Variants in HEMK2 observed in about 807,000 individuals in gnomAD.
HEMK2 encodes the protein HemK methyltransferase 2, ETF1 glutamine and histone H4 lysine.
the HEMK2 span, among the ~76,000 whole-genome samples, chr21:28,749,713 G>A: frequency 6.6e-6 from 1 of 152,176 alleles, no homozygotes; most frequent in Non-Finnish European, 1.5e-5. Context: ...AGCAATTTCA[G>A]GAGCAGGATG....
At chr21:28,656,665 C>T in the HEMK2 span, among the ~76,000 whole-genome samples, 10 of 152,028 alleles carry the variant, frequency 6.6e-5, no homozygotes, top group Admixed American at 5.3e-4. Flanking sequence ...ACTAATGCAA[C>T]CTATCATTTA....
chr21:28,807,923 G>A, the HEMK2 span, among the ~76,000 whole-genome samples: 2 of 152,100 alleles, frequency 1.3e-5, no homozygotes, highest in African/African-American at 4.8e-5. Flanking sequence ...TTAATTACAG[G>A]AGGTGATGTG....
the HEMK2 span, among the ~76,000 whole-genome samples, chr21:28,869,795 T>C: frequency 6.6e-6 from 1 of 152,214 alleles, no homozygotes; most frequent in Non-Finnish European, 1.5e-5. Flanking sequence ...ATTTTTAGTG[T>C]GTCACTAATA....
At chr21:28,688,460 A>G in the HEMK2 span, among the ~76,000 whole-genome samples, 2 of 152,162 alleles carry the variant, frequency 1.3e-5, 1 homozygote, top group South Asian at 4.1e-4. Context: ...AGAAGCTGTT[A>G]GAAAAAGTTT....
chr21:28,611,612 G>T, the HEMK2 span, among the ~76,000 whole-genome samples: 2 of 109,640 alleles, frequency 1.8e-5, no homozygotes, highest in African/African-American at 5.7e-5. Context: ...TTAAATGGGA[G>T]CAGCTCACAC....
the HEMK2 span, among the ~76,000 whole-genome samples, chr21:28,707,256 A>ATT: frequency 0.066 from 9,245 of 140,030 alleles, 506 homozygotes; most frequent in East Asian, 0.14. Context: ...CACAATTTTA[A>ATT]TTTTTTTTTT....
At chr21:28,885,364 A>ATGCGCGTGCGCAGGGCG in the HEMK2 span, 15 of 1,533,582 alleles carry the variant, frequency 9.8e-6, no homozygotes, top group Admixed American at 1.9e-5. Flanking sequence ...GCTGCGTTCC[A>ATGCGCGTGCGCAGGGCG]TGCGCGTGCG....
chr21:28,866,155 C>A, the HEMK2 span, among the ~76,000 whole-genome samples: 52,758 of 72,370 alleles, frequency 0.73, 20,406 homozygotes, highest in South Asian at 0.82. Flanking sequence ...ACAGAAAAAA[C>A]AAAAACAAAC....
the HEMK2 span, among the ~76,000 whole-genome samples, chr21:28,708,863 A>T: frequency 2.2e-4 from 34 of 152,344 alleles, no homozygotes; most frequent in South Asian, 4.8e-3. Flanking sequence ...TGAGAGATTA[A>T]AAAAAGGAAA....
the HEMK2 span, among the ~76,000 whole-genome samples, chr21:28,593,768 T>G: frequency 3.9e-5 from 6 of 152,320 alleles, no homozygotes; most frequent in African/African-American, 1.4e-4. Flanking sequence ...TAAATATTCA[T>G]GAGTCCATTT....
chr21:28,681,786 A>G, the HEMK2 span, among the ~76,000 whole-genome samples: 2 of 152,052 alleles, frequency 1.3e-5, no homozygotes, highest in Non-Finnish European at 2.9e-5. Flanking sequence ...ACCTGACAAA[A>G]ACAAGCAATG....
the HEMK2 span, among the ~76,000 whole-genome samples, chr21:28,669,494 T>A: frequency 6.6e-6 from 1 of 152,008 alleles, no homozygotes; most frequent in Non-Finnish European, 1.5e-5. Flanking sequence ...GACTTAACCA[T>A]GTGACTCACT....
chr21:28,762,548 TA>T, the HEMK2 span, among the ~76,000 whole-genome samples: 1 of 152,118 alleles, frequency 6.6e-6, no homozygotes, highest in Admixed American at 6.6e-5. Flanking sequence ...GTTCCAGAAC[TA>T]AATGGAATTG....
chr21:28,830,091 T>C, the HEMK2 span, among the ~76,000 whole-genome samples: 9 of 152,186 alleles, frequency 5.9e-5, no homozygotes, highest in African/African-American at 2.2e-4. Flanking sequence ...ATATCTTATA[T>C]CTGTATAATT....
chr21:28,610,251 T>C, the HEMK2 span, among the ~76,000 whole-genome samples: 1 of 152,188 alleles, frequency 6.6e-6, no homozygotes, highest in African/African-American at 2.4e-5. Context: ...GTTCTATTTT[T>C]AGCTTCCTTA....
chr21:28,866,459 T>TA, the HEMK2 span, among the ~76,000 whole-genome samples: 5 of 145,110 alleles, frequency 3.4e-5, no homozygotes, highest in Admixed American at 3.4e-4. Flanking sequence ...AAAAAATAAA[T>TA]AAAGAGCACA....
the HEMK2 span, chr21:28,876,383 T>G: frequency 3.4e-5 from 55 of 1,597,992 alleles, no homozygotes; most frequent in Non-Finnish European, 4.5e-5. Flanking sequence ...ACACACTGTA[T>G]GCTAAGACTT....
chr21:28,709,846 T>C, the HEMK2 span, among the ~76,000 whole-genome samples: 2 of 152,112 alleles, frequency 1.3e-5, no homozygotes, highest in Non-Finnish European at 2.9e-5. Context: ...AGAATATGCA[T>C]GGAGGATGGG....
At chr21:28,840,578 C>G in the HEMK2 span, among the ~76,000 whole-genome samples, 1 of 152,046 alleles carries the variant, frequency 6.6e-6, no homozygotes, top group Non-Finnish European at 1.5e-5. Flanking sequence ...AGAAGATACA[C>G]AAATGGCCAA....
Sources: gnomAD v4.1 joint callset for allele counts (sites outside exome capture counted in the v4.1 genomes callset) on GRCh38, gnomAD v4.1.1 for gene constraint, MANE v1.5 for transcripts, NCBI Gene and HGNC (gene_info 2026-07-23, HGNC 2026-07-21) for gene names.